FAM135B: variants seen among roughly 807,000 people sequenced by gnomAD.
FAM135B encodes the protein family with sequence similarity 135 member B.
FAM135B carries 43 observed loss-of-function variants against 127.7 expected under a neutral mutation model. That is an observed-to-expected ratio of 0.34 (90% CI 0.26 to 0.43). FAM135B has a LOEUF of 0.43. FAM135B is among the 20% of genes least tolerant of loss of function. The probability of loss-of-function intolerance (pLI) is 1.00; values close to 1 mark genes in which losing one functional copy is unlikely to be tolerated. For synonymous variants in FAM135B, 670 were observed against 665.1 expected, an observed-to-expected ratio of 1.01 and a Z score of -0.11; for missense variants, 1,558 against 1,725.6, an observed-to-expected ratio of 0.90 and a Z score of 1.72.
At chr8:138,277,905 C>T (rs1823956800) in intron 3 of FAM135B, among the ~76,000 whole-genome samples, 1 of 152,138 alleles carries the variant, frequency 6.6e-6, no homozygotes, top group Non-Finnish European at 1.5e-5. Context: ...GATAAGTAGA[C>T]ACAAGATGCT....
chr8:138,325,466 G>A (rs976511097), intron 2 of FAM135B, among the ~76,000 whole-genome samples: 1 of 152,034 alleles, frequency 6.6e-6, no homozygotes, highest in African/African-American at 2.4e-5. Context: ...TTAACCAAAG[G>A]AAATCTGAAA....
intron 2 of FAM135B, among the ~76,000 whole-genome samples, chr8:138,336,619 C>T (rs1461827235): frequency 6.6e-6 from 1 of 152,162 alleles, no homozygotes; most frequent in Non-Finnish European, 1.5e-5. Flanking sequence ...TAACTAATAG[C>T]TTACCAACCA....
chr8:138,482,180 G>A (rs1421915344), intron 1 of FAM135B, among the ~76,000 whole-genome samples: 1 of 152,226 alleles, frequency 6.6e-6, no homozygotes, highest in African/African-American at 2.4e-5. Context: ...TGTAGGCCGT[G>A]CAGGAGTGAC....
intron 4 of FAM135B, among the ~76,000 whole-genome samples, chr8:138,261,342 T>C (rs543755009): frequency 1.3e-5 from 2 of 152,334 alleles, no homozygotes; most frequent in Admixed American, 1.3e-4. Flanking sequence ...ATGTGTTTCA[T>C]ATGTAATCTT....
At chr8:138,236,448 A>T (rs1190031162) in intron 7 of FAM135B, among the ~76,000 whole-genome samples, 7 of 152,036 alleles carry the variant, frequency 4.6e-5, no homozygotes, top group African/African-American at 1.4e-4. Flanking sequence ...ACACACTAGA[A>T]TATTATCACA....
chr8:138,248,694 C>T (rs929367176), intron 6 of FAM135B, among the ~76,000 whole-genome samples: 2 of 151,880 alleles, frequency 1.3e-5, no homozygotes, highest in Admixed American at 6.6e-5. Context: ...ACGGCTCCTG[C>T]CTGTAGTCCC....
rs2130953851 is a variant in FAM135B at position 138,323,116 on chromosome 8, CT to C, written c.78-12197del. 1.3e-5 allele frequency among the ~76,000 whole-genome samples: 2 copies of C among 152,314 alleles called. 1 individual carries two copies. The highest frequency in any genetic ancestry group is 4.1e-4 in the South Asian group (2 of 4,824). The stretch of plus-strand genomic sequence containing the variant: ...ACTCCAATATTTCAGCAGAACTTGT[CT>C]GGATACTTTGATATAATCACAATAT... On this transcript the variant is annotated intron_variant, in intron 2 of 19. Coordinates refer to ENST00000395297, the MANE Select transcript of FAM135B (RefSeq NM_015912.4).
chr8:138,299,243 TACA>T (rs143867665), intron 3 of FAM135B, among the ~76,000 whole-genome samples: 5,319 of 152,258 alleles, frequency 0.035, 201 homozygotes, highest in East Asian at 0.18. Flanking sequence ...TATTATTTTC[TACA>T]ACATGTGTTT....
At position 138,152,216 on chromosome 8, in the gene FAM135B, T is replaced by C. The variant is rs1184647210; in HGVS notation, c.2259A>G (p.Leu753=). ...CCTCCCGCTCATCCTCCTCAAAAGG[T>C]AAAGAGCTAATGGAGGTGAGAGAAG... is the stretch of plus-strand genomic sequence containing the variant. ...IQASLTSISS[L]PFEEDEREVA... is the part of the protein sequence containing the mutation. Residue 753 remains leucine (L), a synonymous_variant, in exon 13 of 20, where the codon TTA becomes TTG. Coordinates refer to ENST00000395297, the MANE Select transcript of FAM135B (RefSeq NM_015912.4). 1 of 1,614,026 alleles carries C rather than the reference T, an allele frequency of 6.2e-7. No homozygotes were observed. Among genetic ancestry groups the C allele is most frequent in the South Asian group, 1.1e-5 (1 of 91,076 alleles).
intron 1 of FAM135B, among the ~76,000 whole-genome samples, chr8:138,444,526 C>A (rs1399186185): frequency 6.6e-6 from 1 of 152,136 alleles, no homozygotes; most frequent in African/African-American, 2.4e-5. Context: ...TACATGGAAA[C>A]TGAACAACCT....
chr8:138,138,891 T>A, intron 18 of FAM135B, 95 bp downstream of exon 18: 1 of 831,736 alleles, frequency 1.2e-6, no homozygotes, highest in South Asian at 1.5e-5. Flanking sequence ...GGCCCTTCTG[T>A]GAGTGAATCA....
At chr8:138,186,440 C>A (rs1434794659) in intron 9 of FAM135B, among the ~76,000 whole-genome samples, 1 of 152,150 alleles carries the variant, frequency 6.6e-6, no homozygotes, top group African/African-American at 2.4e-5. Context: ...CTTCCCACCC[C>A]CACCACTGGC....
At chr8:138,441,996 C>T (rs1361663421) in intron 1 of FAM135B, among the ~76,000 whole-genome samples, 1 of 151,648 alleles carries the variant, frequency 6.6e-6, no homozygotes, top group Non-Finnish European at 1.5e-5. Flanking sequence ...CCGAGTGATG[C>T]AGATTGGTGT....
At chr8:138,285,143 T>A (rs1824575721) in intron 3 of FAM135B, among the ~76,000 whole-genome samples, 1 of 119,666 alleles carries the variant, frequency 8.4e-6, no homozygotes, top group Non-Finnish European at 1.7e-5. Context: ...AATTTTTTTT[T>A]TTTTTTTTTT....
intron 7 of FAM135B, among the ~76,000 whole-genome samples, chr8:138,200,991 C>T (rs1016311874): frequency 3.3e-5 from 5 of 152,190 alleles, no homozygotes; most frequent in African/African-American, 7.2e-5. Context: ...CAGCATGCCA[C>T]ACCTGCCTCT....
intron 17 of FAM135B, 50 bp from the exon 18 acceptor site, chr8:138,139,146 A>C: frequency 2.5e-6 from 3 of 1,192,836 alleles, no homozygotes; most frequent in Non-Finnish European, 3.7e-6. Flanking sequence ...ACAAAACAAA[A>C]ACTAACTGGG....
intron 1 of FAM135B, among the ~76,000 whole-genome samples, chr8:138,396,891 T>C (rs1200576607): frequency 2.0e-5 from 3 of 152,192 alleles, no homozygotes; most frequent in African/African-American, 7.2e-5. Flanking sequence ...AGGACACACG[T>C]GCCCCTAATT....
At chr8:138,416,029 T>G (rs559861483) in intron 1 of FAM135B, among the ~76,000 whole-genome samples, 17 of 152,296 alleles carry the variant, frequency 1.1e-4, no homozygotes, top group Non-Finnish European at 2.1e-4. Context: ...CCTTGGAGCA[T>G]TCATGCCTGG....
At chr8:138,332,094 G>T (rs1828224951) in intron 2 of FAM135B, among the ~76,000 whole-genome samples, 1 of 152,172 alleles carries the variant, frequency 6.6e-6, no homozygotes, top group Non-Finnish European at 1.5e-5. Flanking sequence ...TTTACACCTG[G>T]ATCATCTGGC....
Sources: allele counts gnomAD v4.1 joint callset (sites outside exome capture counted in the v4.1 genomes callset), GRCh38; gene constraint gnomAD v4.1.1; transcripts MANE v1.5; gene names NCBI Gene and HGNC (gene_info 2026-07-23, HGNC 2026-07-21).